PLXDC2: variants seen among roughly 807,000 people sequenced by gnomAD.
The protein encoded by PLXDC2 is plexin domain-containing protein 2.
In PLXDC2, 40 loss-of-function variants were observed where a neutral mutation model predicts 68.9. The observed-to-expected ratio is 0.58, with a 90% CI of 0.45 to 0.76. The LOEUF is 0.76. Ranked by LOEUF, PLXDC2 falls within the 30% of genes least tolerant of loss-of-function variation. The probability of loss-of-function intolerance (pLI) is 0.00; values close to 1 mark genes in which losing one functional copy is unlikely to be tolerated. For synonymous variants in PLXDC2, 243 were observed against 234.2 expected (o/e 1.04, Z -0.34); for missense variants, 644 against 661.9 (o/e 0.97, Z 0.30).
intron 4 of PLXDC2, among the ~76,000 whole-genome samples, chr10:20,136,704 T>C (rs1479323637): frequency 2.0e-5 from 3 of 152,230 alleles, no homozygotes; most frequent in African/African-American, 7.2e-5. Flanking sequence ...TATACCATTA[T>C]CATTTGCACC....
At position 20,280,654 on chromosome 10, in the gene PLXDC2, A is replaced by G. The variant is rs1049048815; in HGVS notation, c.*835A>G. The stretch of plus-strand genomic sequence containing the variant: ...AATCCCCAACTGTTAAGTCCCATGA[A>G]ACCACAGTTGCTCTGGGCTGATGGA... On this transcript the variant is annotated 3_prime_UTR_variant, in exon 14 of 14. Coordinates refer to ENST00000377252, the MANE Select transcript of PLXDC2 (RefSeq NM_032812.9). 4 of 152,140 alleles carry G rather than the reference A, an allele frequency of 2.6e-5. No individual in the cohort carries two copies. The highest frequency in any genetic ancestry group is 9.7e-5 in the African/African-American group (4 of 41,448). 9.4% of individuals were successfully genotyped at this position (152,140 alleles called of 1,614,324 possible).
At chr10:20,027,692 G>GAAAAA (rs60603741) in intron 2 of PLXDC2, among the ~76,000 whole-genome samples, 1 of 142,468 alleles carries the variant, frequency 7.0e-6, no homozygotes. Context: ...GGGACAACCT[G>GAAAAA]AAAAAAAAAA....
intron 5 of PLXDC2, among the ~76,000 whole-genome samples, chr10:20,144,252 T>A (rs928777749): frequency 1.4e-4 from 21 of 152,130 alleles, no homozygotes; most frequent in Admixed American, 1.3e-3. Flanking sequence ...ATACAAGCAT[T>A]TGGGGTGAAC....
intron 4 of PLXDC2, among the ~76,000 whole-genome samples, chr10:20,111,731 G>A (rs753367024): frequency 5.3e-5 from 8 of 152,280 alleles, no homozygotes; most frequent in Middle Eastern, 6.8e-3. Context: ...ACTCCTTCTT[G>A]TAAGAAAGTT....
chr10:19,873,981 C>T (rs766436453), intron 1 of PLXDC2, among the ~76,000 whole-genome samples: 6 of 152,066 alleles, frequency 3.9e-5, no homozygotes, highest in Non-Finnish European at 8.8e-5. Flanking sequence ...CTTAAAACTT[C>T]AGGTGTGGAT....
chr10:19,840,689 A>C (rs1836887884), intron 1 of PLXDC2, among the ~76,000 whole-genome samples: 2 of 152,138 alleles, frequency 1.3e-5, no homozygotes, highest in South Asian at 2.1e-4. Context: ...ACCTCATAAA[A>C]ATTATTGAAA....
chr10:20,271,132 G>GACACACACACAC (rs55677642), intron 13 of PLXDC2, among the ~76,000 whole-genome samples: 9 of 97,746 alleles, frequency 9.2e-5, no homozygotes, highest in African/African-American at 3.0e-4. Context: ...ACAAAAAACA[G>GACACACACACAC]ACACACACAC....
At chr10:20,005,728 C>G (rs938531081) in intron 2 of PLXDC2, among the ~76,000 whole-genome samples, 3 of 152,172 alleles carry the variant, frequency 2.0e-5, no homozygotes, top group Non-Finnish European at 4.4e-5. Flanking sequence ...TCAACGCACT[C>G]ATCACCAAGG....
At chr10:20,177,233 A>G in intron 8 of PLXDC2, 95 bp from the exon 9 acceptor site, 1 of 1,330,288 alleles carries the variant, frequency 7.5e-7, no homozygotes, top group Non-Finnish European at 1.1e-6. Context: ...GCTCCTGAGG[A>G]TTAGGGGGCA....
chr10:20,023,816 T>C (rs941901697), intron 2 of PLXDC2, among the ~76,000 whole-genome samples: 5 of 152,158 alleles, frequency 3.3e-5, no homozygotes, highest in African/African-American at 1.2e-4. Flanking sequence ...TTAATATATT[T>C]CTCAATTTGT....
chr10:20,117,116 TTG>T (rs1833633328), intron 4 of PLXDC2, among the ~76,000 whole-genome samples: 2 of 151,770 alleles, frequency 1.3e-5, no homozygotes, highest in Admixed American at 6.6e-5. Flanking sequence ...ATAAAGTCAG[TTG>T]TGTTTCTGAA....
chr10:20,134,050 G>C (rs1833902565), intron 4 of PLXDC2, among the ~76,000 whole-genome samples: 1 of 151,978 alleles, frequency 6.6e-6, no homozygotes, highest in African/African-American at 2.4e-5. Flanking sequence ...CAGAATTTCT[G>C]TTTGGTTCTT....
intron 11 of PLXDC2, 103 bp downstream of exon 11, chr10:20,217,679 T>C: frequency 7.0e-6 from 9 of 1,286,056 alleles, no homozygotes; most frequent in Non-Finnish European, 7.0e-6. Context: ...GCTCCTACTC[T>C]CTAGGTCTCT....
At chr10:20,044,253 CT>C (rs1297299502) in intron 2 of PLXDC2, among the ~76,000 whole-genome samples, 1 of 117,878 alleles carries the variant, frequency 8.5e-6, no homozygotes, top group African/African-American at 3.7e-5. Context: ...TTCTTTCTTT[CT>C]TTCTTTCTTT....
chr10:20,278,654 C>A (rs1445596469), intron 13 of PLXDC2, among the ~76,000 whole-genome samples: 1 of 151,824 alleles, frequency 6.6e-6, no homozygotes, highest in Non-Finnish European at 1.5e-5. Context: ...TAATAGTCAT[C>A]CCTACCTGAT....
chr10:20,156,436 G>C (rs758412416), intron 6 of PLXDC2, among the ~76,000 whole-genome samples: 30 of 152,032 alleles, frequency 2.0e-4, no homozygotes, highest in Non-Finnish European at 2.2e-4. Flanking sequence ...TTGAGGACTC[G>C]GAAAGCCCTG....
intron 3 of PLXDC2, among the ~76,000 whole-genome samples, chr10:20,061,688 C>T (rs1039526776): frequency 1.3e-5 from 2 of 152,146 alleles, no homozygotes; most frequent in African/African-American, 2.4e-5. Flanking sequence ...AGGCAAAATA[C>T]TTAGCATAAT....
chr10:20,249,937 G>C (rs1316157853), intron 13 of PLXDC2, among the ~76,000 whole-genome samples: 1 of 152,146 alleles, frequency 6.6e-6, no homozygotes, highest in African/African-American at 2.4e-5. Flanking sequence ...GTATGAGTTA[G>C]TTCCTGTGCT....
chr10:20,183,873 T>A (rs1589669648), intron 9 of PLXDC2, among the ~76,000 whole-genome samples: 1 of 152,110 alleles, frequency 6.6e-6, no homozygotes, highest in East Asian at 1.9e-4. Context: ...CAGTGAGGCA[T>A]GTTGAACACT....
Sources: gnomAD v4.1 joint callset for allele counts (sites outside exome capture counted in the v4.1 genomes callset) on GRCh38, gnomAD v4.1.1 for gene constraint, MANE v1.5 for transcripts, NCBI Gene and HGNC (gene_info 2026-07-23, HGNC 2026-07-21) for gene names.